Variants in SORCS1 observed in about 807,000 individuals in gnomAD.
The protein encoded by SORCS1 is VPS10 domain-containing receptor SorCS1.
In SORCS1, 60 loss-of-function variants were observed where a neutral mutation model predicts 146.1. The ratio of observed to expected loss-of-function variants is 0.41; its 90% CI spans 0.33 to 0.51. SORCS1 has a LOEUF of 0.51. Among genes scored for constraint, SORCS1 ranks in the 20% least tolerant of loss-of-function variants. The pLI, the probability that SORCS1 is intolerant of heterozygous loss-of-function variation, is 0.21. For missense variants in SORCS1, 1,352 were observed against 1,487.6 expected (o/e 0.91, Z 1.50); for synonymous variants, 637 against 584.0 (o/e 1.09, Z -1.31).
chr10:106,889,726 T>C (rs1951149276), intron 2 of SORCS1, among the ~76,000 whole-genome samples: 1 of 151,894 alleles, frequency 6.6e-6, no homozygotes, highest in Non-Finnish European at 1.5e-5. Flanking sequence ...GGTAAAACCC[T>C]GTCTCTACTA....
chr10:106,983,696 G>A (rs763241873), intron 1 of SORCS1, among the ~76,000 whole-genome samples: 1 of 152,096 alleles, frequency 6.6e-6, no homozygotes, highest in African/African-American at 2.4e-5. Flanking sequence ...GGAACACTAA[G>A]GAATAGTGTT....
rs1356116267 is a variant in SORCS1 at position 106,597,373 on chromosome 10, G to C, written c.3243C>G (p.Val1081=). The C allele has an allele frequency of 1.2e-6, 2 of 1,613,902 alleles. No homozygotes were observed. Among genetic ancestry groups the C allele is most frequent in the Non-Finnish European group, 8.5e-7 (1 of 1,179,912 alleles). Residue 1081 remains valine (V), a synonymous_variant, in exon 24 of 26, where the codon GTC becomes GTG. Transcript: ENST00000263054. ...FELKPGVRVL[V]HAAHLTAAPL... is the part of the protein sequence containing the mutation. ...GACCCGCTGTTAAGTGAGCAGCATG[G>C]ACAAGGACTCGGACTCCTGGCTTCA... is the stretch of plus-strand genomic sequence containing the variant.
chr10:106,994,086 A>AAAAAAAAAG lies in SORCS1; in HGVS notation c.559-37507_559-37506insCTTTTTTTT, dbSNP rs1554908001. On this transcript the variant is annotated intron_variant, in intron 1 of 25. Coordinates refer to ENST00000263054, the MANE Select transcript of SORCS1 (RefSeq NM_052918.5). ...CTCAAAAAAAAAAAAAAAAAAAAAA[A>AAAAAAAAAG]AGAAAATGAGAAGCAAACAAATTCA... 3.9e-3 allele frequency among the ~76,000 whole-genome samples: 523 copies of AAAAAAAAAG among 134,908 alleles called. 21 individuals are homozygous for AAAAAAAAAG. Among genetic ancestry groups the AAAAAAAAAG allele is most frequent in the African/African-American group, 0.017 (488 of 28,310 alleles). 88.5% of individuals were successfully genotyped at this position (134,908 alleles called of 152,430 possible).
intron 2 of SORCS1, among the ~76,000 whole-genome samples, chr10:106,869,427 C>T (rs1050498802): frequency 6.6e-6 from 1 of 152,096 alleles, no homozygotes; most frequent in Non-Finnish European, 1.5e-5. Context: ...CGATGAATAT[C>T]AATGGAAAAA....
chr10:106,885,578 G>A (rs1180057763), intron 2 of SORCS1, among the ~76,000 whole-genome samples: 1 of 152,158 alleles, frequency 6.6e-6, no homozygotes, highest in East Asian at 1.9e-4. Flanking sequence ...GGACAGTGAA[G>A]GAACAGGCAG....
At chr10:107,011,043 C>T (rs1253056803) in intron 1 of SORCS1, among the ~76,000 whole-genome samples, 1 of 152,150 alleles carries the variant, frequency 6.6e-6, no homozygotes, top group Non-Finnish European at 1.5e-5. Flanking sequence ...TTCCCACACA[C>T]TGGGATGAGC....
intron 2 of SORCS1, among the ~76,000 whole-genome samples, chr10:106,944,849 G>C (rs1485104579): frequency 3.9e-5 from 5 of 128,298 alleles, no homozygotes; most frequent in Non-Finnish European, 6.5e-5. Context: ...GAGAGCTATG[G>C]TAGAAAGAAG....
chr10:106,671,169 A>G (rs1851569635), intron 16 of SORCS1, 68 bp downstream of exon 16: 1 of 1,596,916 alleles, frequency 6.3e-7, no homozygotes, highest in African/African-American at 1.3e-5. Flanking sequence ...TTCAATTCTA[A>G]GCTTTCATTC....
intron 1 of SORCS1, among the ~76,000 whole-genome samples, chr10:107,086,471 C>T (rs1590103496): frequency 1.3e-5 from 2 of 152,236 alleles, no homozygotes; most frequent in East Asian, 3.9e-4. Context: ...ATTTATCAAA[C>T]TATAAATAAT....
At chr10:107,174,674 A>T in the SORCS1 span, among the ~76,000 whole-genome samples, 4 of 152,154 alleles carry the variant, frequency 2.6e-5, no homozygotes, top group African/African-American at 9.7e-5. Context: ...TATTAATTTT[A>T]ATAATTTTTA....
At chr10:106,815,992 G>T (rs1237344232) in intron 3 of SORCS1, among the ~76,000 whole-genome samples, 1 of 152,162 alleles carries the variant, frequency 6.6e-6, no homozygotes, top group Non-Finnish European at 1.5e-5. Flanking sequence ...AGCAAATCGG[G>T]ACTTCTTGTC....
intron 1 of SORCS1, among the ~76,000 whole-genome samples, chr10:107,086,529 T>C (rs1437134267): frequency 2.6e-5 from 4 of 152,242 alleles, no homozygotes. Flanking sequence ...AGGTCTAGAT[T>C]CAACATTTTC....
chr10:106,629,829 AG>A, intron 18 of SORCS1, among the ~76,000 whole-genome samples: 1 of 152,166 alleles, frequency 6.6e-6, no homozygotes, highest in Non-Finnish European at 1.5e-5. Context: ...GCAGATCACA[AG>A]GTCAAGAGAT....
At position 106,577,161 on chromosome 10, in the gene SORCS1, T is replaced by C; in HGVS notation, c.*259A>G. 7.4e-7 allele frequency: 1 copy of C among 1,356,492 alleles called. No homozygotes were observed. The highest frequency in any genetic ancestry group is 9.9e-7 in the Non-Finnish European group (1 of 1,013,980). 84.0% of individuals were successfully genotyped at this position (1,356,492 alleles called of 1,614,324 possible). A position where few individuals can be genotyped will look rare whatever the true frequency, so the allele number is the denominator to read the frequency against. ...GTTTGTTTGTTTGTTTGGATTTTGA[T>C]TGTTTATATTTTATGTTTTGTTTTG... On this transcript the variant is annotated 3_prime_UTR_variant, in exon 26 of 26. Transcript: ENST00000263054.
chr10:106,636,274 A>T (rs1478376316), intron 18 of SORCS1, among the ~76,000 whole-genome samples: 1 of 152,176 alleles, frequency 6.6e-6, no homozygotes, highest in Non-Finnish European at 1.5e-5. Context: ...AAGAAAAAAA[A>T]AATAGAAAAG....
At position 106,889,888 on chromosome 10, in the gene SORCS1, T is replaced by TAAAAAAAAAAA. The variant is rs772421907; in HGVS notation, c.627-60226_627-60216dup. ...TGACAGAGTGAGACTACGTCTCAAA[T>TAAAAAAAAAAA]AAAAAAAAAAAAAAAAAAAAAAAGC... On this transcript the variant is annotated intron_variant, in intron 2 of 25. Transcript: ENST00000263054. Among the ~76,000 whole-genome samples the TAAAAAAAAAAA allele has an allele frequency of 3.8e-4, 27 of 71,652 alleles. 3 individuals carry two copies. Among genetic ancestry groups the TAAAAAAAAAAA allele is most frequent in the African/African-American group, 1.1e-3 (21 of 19,412 alleles). The allele number at this position is 71,652 out of a possible 152,430, so 47.0% of individuals were successfully genotyped here.
chr10:106,966,807 T>C (rs565363913), intron 1 of SORCS1, among the ~76,000 whole-genome samples: 2 of 152,320 alleles, frequency 1.3e-5, no homozygotes, highest in South Asian at 4.1e-4. Flanking sequence ...AGCTGCCATG[T>C]GAGAAATACT....
intron 1 of SORCS1, among the ~76,000 whole-genome samples, chr10:107,036,922 C>T (rs1365536939): frequency 1.3e-5 from 2 of 152,188 alleles, no homozygotes; most frequent in Non-Finnish European, 2.9e-5. Flanking sequence ...TCCATTCTTG[C>T]TTGTTTTCTA....
At chr10:106,778,918 A>C (rs1463645079) in intron 3 of SORCS1, among the ~76,000 whole-genome samples, 2 of 152,324 alleles carry the variant, frequency 1.3e-5, no homozygotes, top group African/African-American at 4.8e-5. Flanking sequence ...CTAGGCCTAC[A>C]GAATATTCCC....
Sources: gnomAD v4.1 joint callset for allele counts (sites outside exome capture counted in the v4.1 genomes callset) on GRCh38, gnomAD v4.1.1 for gene constraint, MANE v1.5 for transcripts, NCBI Gene and HGNC (gene_info 2026-07-23, HGNC 2026-07-21) for gene names.